PHF20: variants seen among roughly 807,000 people sequenced by gnomAD.
The protein encoded by PHF20 is glioma-expressed antigen 2.
In PHF20, 23 loss-of-function variants were observed where a neutral mutation model predicts 113.5. The observed-to-expected ratio is 0.20, with a 90% CI of 0.15 to 0.29. The LOEUF (loss-of-function observed/expected upper bound fraction) is 0.29. PHF20 is among the 10% of genes least tolerant of loss of function. PHF20 has a pLI of 1.00. For missense variants in PHF20, 943 were observed against 1,219.6 expected, an observed-to-expected ratio of 0.77 and a Z score of 3.38; for synonymous variants, 434 against 457.3, an observed-to-expected ratio of 0.95 and a Z score of 0.65.
At chr20:35,805,519 T>C (rs560569214) in intron 2 of PHF20, among the ~76,000 whole-genome samples, 4 of 151,894 alleles carry the variant, frequency 2.6e-5, no homozygotes, top group Non-Finnish European at 5.9e-5. Flanking sequence ...GCTAATTTTT[T>C]GTAATTTTAG....
At chr20:35,875,120 AG>A (rs1482045010) in intron 9 of PHF20, among the ~76,000 whole-genome samples, 1 of 151,934 alleles carries the variant, frequency 6.6e-6, no homozygotes, top group Non-Finnish European at 1.5e-5. Context: ...AAAATTGGCC[AG>A]GGGTGGTGGC....
chr20:35,818,467 C>T (rs1227934311), intron 2 of PHF20, among the ~76,000 whole-genome samples: 1 of 151,990 alleles, frequency 6.6e-6, no homozygotes, highest in African/African-American at 2.4e-5. Context: ...GCCATGTTGC[C>T]CAGGCTGGTC....
intron 1 of PHF20, among the ~76,000 whole-genome samples, chr20:35,786,302 A>C (rs2041413325): frequency 1.3e-5 from 2 of 152,058 alleles, no homozygotes; most frequent in Non-Finnish European, 1.5e-5. Context: ...GAGGCAGGAG[A>C]ATCGCTTGAA....
intron 2 of PHF20, among the ~76,000 whole-genome samples, chr20:35,829,361 T>C (rs1460900168): frequency 6.6e-6 from 1 of 151,938 alleles, no homozygotes; most frequent in East Asian, 1.9e-4. Flanking sequence ...TTCTTTTTTC[T>C]TTTTTTCTTG....
chr20:35,889,724 T>A (rs944593127), intron 9 of PHF20, among the ~76,000 whole-genome samples: 1 of 151,898 alleles, frequency 6.6e-6, no homozygotes, highest in Admixed American at 6.6e-5. Flanking sequence ...ATTAATTAAT[T>A]AATTATTTTA....
chr20:35,917,785 G>C, intron 13 of PHF20, 123 bp downstream of exon 13: 1 of 784,756 alleles, frequency 1.3e-6, no homozygotes, highest in Non-Finnish European at 2.0e-6. Flanking sequence ...AACGGCAGCA[G>C]ACTGAGCTTC....
intron 13 of PHF20, among the ~76,000 whole-genome samples, chr20:35,920,082 T>C (rs1252514445): frequency 6.6e-6 from 1 of 152,236 alleles, no homozygotes; most frequent in African/African-American, 2.4e-5. Flanking sequence ...ATCAAGGTAC[T>C]GAGGTATACT....
chr20:35,857,396 C>T (rs1331814326), intron 4 of PHF20, among the ~76,000 whole-genome samples: 1 of 151,890 alleles, frequency 6.6e-6, no homozygotes, highest in African/African-American at 2.4e-5. Context: ...TGGGAAAAAA[C>T]TAACAGTGTA....
At chr20:35,928,700 G>A (rs968642907) in intron 14 of PHF20, 12 of 152,268 alleles carry the variant, frequency 7.9e-5, no homozygotes, top group African/African-American at 2.4e-4. Flanking sequence ...GAGGACTCAT[G>A]AGGATGGGCG....
intron 4 of PHF20, chr20:35,855,103 A>C: frequency 4.9e-6 from 1 of 203,356 alleles, no homozygotes; most frequent in East Asian, 1.6e-4. Flanking sequence ...CATAATATTT[A>C]AGATTTCAAG....
chr20:35,936,340 C>G (rs1404399668), intron 15 of PHF20, among the ~76,000 whole-genome samples: 1 of 152,106 alleles, frequency 6.6e-6, no homozygotes, highest in Non-Finnish European at 1.5e-5. Context: ...TAGTGGCTAG[C>G]AGTGGTATGG....
At chr20:35,876,161 G>A (rs1039571013) in intron 9 of PHF20, among the ~76,000 whole-genome samples, 1 of 151,992 alleles carries the variant, frequency 6.6e-6, no homozygotes, top group East Asian at 1.9e-4. Context: ...TTAATAGTAA[G>A]GGTGGAGGTC....
At chr20:35,794,812 T>G (rs537443603) in intron 1 of PHF20, among the ~76,000 whole-genome samples, 15 of 152,312 alleles carry the variant, frequency 9.8e-5, no homozygotes, top group African/African-American at 3.6e-4. Context: ...GGGCAAGACT[T>G]CCAGTTACCA....
At chr20:35,875,169 G>A (rs1174285539) in intron 9 of PHF20, among the ~76,000 whole-genome samples, 1 of 151,892 alleles carries the variant, frequency 6.6e-6, no homozygotes, top group East Asian at 1.9e-4. Context: ...ATGCCTAGGC[G>A]GGCAGATCAT....
intron 13 of PHF20, 74 bp from the exon 14 acceptor site, chr20:35,927,706 C>G (rs1436511296): frequency 5.3e-6 from 6 of 1,125,048 alleles, no homozygotes; most frequent in Non-Finnish European, 8.2e-6. Context: ...CCCCTCCCCT[C>G]AGCAGGTGGG....
chr20:35,915,067 G>A (rs903880996), intron 12 of PHF20, among the ~76,000 whole-genome samples: 1 of 142,220 alleles, frequency 7.0e-6, no homozygotes, highest in South Asian at 2.2e-4. Flanking sequence ...TATATATATA[G>A]ATATACACAC....
chr20:35,803,857 C>T (rs1424888415), intron 2 of PHF20, among the ~76,000 whole-genome samples: 1 of 151,532 alleles, frequency 6.6e-6, no homozygotes, highest in Admixed American at 6.6e-5. Flanking sequence ...ACTCCGCACC[C>T]TCCTCGCCCA....
chr20:35,902,432 C>T (rs1297502641), intron 10 of PHF20, among the ~76,000 whole-genome samples: 1 of 152,190 alleles, frequency 6.6e-6, no homozygotes, highest in East Asian at 1.9e-4. Context: ...GGCAGGAGGC[C>T]ATTGAGGGAC....
chr20:35,803,253 G>C (rs1216317350), intron 2 of PHF20, among the ~76,000 whole-genome samples: 1 of 128,244 alleles, frequency 7.8e-6, no homozygotes, highest in Non-Finnish European at 1.7e-5. Flanking sequence ...CTCCGTCCCG[G>C]AAAAAAAAAA....
Sources: gnomAD v4.1 joint callset for allele counts (sites outside exome capture counted in the v4.1 genomes callset) on GRCh38, gnomAD v4.1.1 for gene constraint, MANE v1.5 for transcripts, NCBI Gene and HGNC (gene_info 2026-07-23, HGNC 2026-07-21) for gene names.